Variants in SLC15A2 observed in about 807,000 individuals in gnomAD.
The protein encoded by SLC15A2 is kidney H(+)/peptide cotransporter.
In SLC15A2, 77 loss-of-function variants were observed where a neutral mutation model predicts 95.5. The ratio of observed to expected loss-of-function variants is 0.81; its 90% CI spans 0.67 to 0.97. The LOEUF is 0.97. Ranked by LOEUF, SLC15A2 falls within the 50% of genes least tolerant of loss-of-function variation. The pLI is 0.00. For synonymous variants in SLC15A2, 306 were observed against 306.9 expected, an observed-to-expected ratio of 1.00 and a Z score of 0.03; for missense variants, 893 against 874.4, an observed-to-expected ratio of 1.02 and a Z score of -0.27.
chr3:121,925,781 TAA>T (rs200367167), intron 13 of SLC15A2, among the ~76,000 whole-genome samples: 4,107 of 39,160 alleles, frequency 0.1, 723 homozygotes, highest in East Asian at 0.14. Context: ...TATATATATA[TAA>T]AATACAACTA....
At chr3:121,903,611 C>T (rs554535274) in intron 3 of SLC15A2, among the ~76,000 whole-genome samples, 1 of 152,140 alleles carries the variant, frequency 6.6e-6, no homozygotes, top group Non-Finnish European at 1.5e-5. Context: ...ATAGGGAATC[C>T]TTTCCCCATT....
At chr3:121,935,017 A>T (rs1710310319) in intron 19 of SLC15A2, among the ~76,000 whole-genome samples, 1 of 152,162 alleles carries the variant, frequency 6.6e-6, no homozygotes, top group Non-Finnish European at 1.5e-5. Flanking sequence ...ATCTATTGAG[A>T]TAATCATGTG....
intron 13 of SLC15A2, among the ~76,000 whole-genome samples, chr3:121,927,342 G>T (rs1710141360): frequency 6.6e-6 from 1 of 152,230 alleles, no homozygotes; most frequent in African/African-American, 2.4e-5. Context: ...GACATGACTG[G>T]ATCATGGGAG....
intron 1 of SLC15A2, among the ~76,000 whole-genome samples, chr3:121,895,624 C>T (rs1709401317): frequency 6.6e-6 from 1 of 152,108 alleles, no homozygotes; most frequent in Non-Finnish European, 1.5e-5. Flanking sequence ...GTACTGAGGA[C>T]AGATACCTCT....
At chr3:121,894,952 C>T (rs1483668375) in intron 1 of SLC15A2, among the ~76,000 whole-genome samples, 1 of 152,224 alleles carries the variant, frequency 6.6e-6, no homozygotes, top group African/African-American at 2.4e-5. Flanking sequence ...TTAGTTCTCC[C>T]TGTGTGCAGA....
At chr3:121,917,842 G>A (rs1476801552) in intron 7 of SLC15A2, among the ~76,000 whole-genome samples, 1 of 152,138 alleles carries the variant, frequency 6.6e-6, no homozygotes, top group Non-Finnish European at 1.5e-5. Flanking sequence ...AGAGGACACA[G>A]TAGCTGTAAG....
At position 121,928,542 on chromosome 3, in the gene SLC15A2, T is replaced by C; in HGVS notation, c.1328T>C (p.Ile443Thr). ...NENNSLLIESIKSFQKTPHYS... is the reference protein window; with the variant it reads ...NENNSLLIESTKSFQKTPHYS... ...AACAATTCTCTGTTGATAGAGTCCA[T>C]CAAATCCTTTCAGGTGAGGTGTGTA... is the stretch of plus-strand genomic sequence containing the variant. The change falls in exon 15 of 22, where the codon ATC (isoleucine) becomes ACC (threonine). Residue 443 changes from isoleucine (I) to threonine (T), a missense_variant. By Grantham distance (89) the Ile-to-Thr change is moderately conservative. Transcript: ENST00000489711. 6.2e-7 allele frequency: 1 copy of C among 1,614,096 alleles called. No homozygotes were observed. Among genetic ancestry groups the C allele is most frequent in the South Asian group, 1.1e-5 (1 of 91,076 alleles).
intron 19 of SLC15A2, among the ~76,000 whole-genome samples, chr3:121,938,968 G>A (rs1259758184): frequency 6.6e-6 from 1 of 152,178 alleles, no homozygotes; most frequent in Non-Finnish European, 1.5e-5. Flanking sequence ...TCTGCTCAAA[G>A]AATAAACACA....
At chr3:121,903,844 C>G (rs576525510) in intron 3 of SLC15A2, among the ~76,000 whole-genome samples, 8 of 151,896 alleles carry the variant, frequency 5.3e-5, no homozygotes, top group Non-Finnish European at 4.4e-5. Context: ...GCTATTTTTG[C>G]GTCCATATGA....
At chr3:121,939,620 T>C in intron 20 of SLC15A2, 125 bp downstream of exon 20, 2 of 679,500 alleles carry the variant, frequency 2.9e-6, no homozygotes, top group Non-Finnish European at 4.6e-6. Flanking sequence ...TTTATGACCC[T>C]GAACATATAT....
chr3:121,901,394 A>G (rs1469309651), intron 3 of SLC15A2, among the ~76,000 whole-genome samples: 1 of 152,182 alleles, frequency 6.6e-6, no homozygotes, highest in Non-Finnish European at 1.5e-5. Context: ...GAATTCATAA[A>G]TTTATTCACC....
In SLC15A2 at chr3:121,942,234, G is replaced by C. The variant is rs1439738241; in HGVS notation, c.*1227G>C. On this transcript the variant is annotated 3_prime_UTR_variant, in exon 22 of 22. Transcript: ENST00000489711. ...GGTAGAGCATGAGGGTTTTGTTTGT[G>C]TATGTGTATGGTCATGAAAAAAAAT... The C allele has an allele frequency of 6.6e-6, 1 of 152,130 alleles. No homozygotes were observed. Among genetic ancestry groups the C allele is most frequent in the Non-Finnish European group, 1.5e-5 (1 of 68,028 alleles). The allele number at this position is 152,130 out of a possible 1,614,324, so 9.4% of individuals were successfully genotyped here.
rs562100654 is a variant in SLC15A2 at position 121,922,344 on chromosome 3, A to G, written c.780+42A>G. The G allele has an allele frequency of 6.0e-6, 9 of 1,510,932 alleles. No individual in the cohort carries two copies. In the Admixed American group the frequency reaches 8.4e-5, roughly 14 times the overall value. The allele number at this position is 1,510,932 out of a possible 1,614,324, so 93.6% of individuals were successfully genotyped here. A position where few individuals can be genotyped will look rare whatever the true frequency, so the allele number is the denominator to read the frequency against. ...TTTTCTTGCCTTTTTCAATCAAAAGAAAGAGATGCTATGCTGAGAATATGG... is the reference window on the plus strand; with the variant it reads ...TTTTCTTGCCTTTTTCAATCAAAAGGAAGAGATGCTATGCTGAGAATATGG... On this transcript the variant is annotated intron_variant, in intron 8 of 21. Transcript: ENST00000489711.
rs1301035354 is a variant in SLC15A2, at chr3:121,910,432, T to C, written c.336-1142T>C. Among the ~76,000 whole-genome samples, 4 of 152,216 alleles carry C rather than the reference T, an allele frequency of 2.6e-5. No homozygotes were observed. The East Asian group carries it at 5.8e-4, about 22-fold the overall frequency. On this transcript the variant is annotated intron_variant, in intron 3 of 21. Transcript: ENST00000489711. The stretch of plus-strand genomic sequence containing the variant: ...GGATGGTCTCGATCTCCTGACCTCG[T>C]GATCCACCCACCTTGGCCCCCCAAA...
intron 19 of SLC15A2, among the ~76,000 whole-genome samples, chr3:121,935,214 T>G (rs28789687): frequency 6.6e-6 from 1 of 152,206 alleles, no homozygotes; most frequent in African/African-American, 2.4e-5. Flanking sequence ...AGGATATTGG[T>G]CTAAAATTCT....
intron 19 of SLC15A2, among the ~76,000 whole-genome samples, chr3:121,937,881 C>G (rs1291420058): frequency 2.6e-5 from 4 of 151,366 alleles, no homozygotes; most frequent in African/African-American, 9.7e-5. Context: ...CTGTTTTTTC[C>G]CCATCTTTGT....
Position 121,913,089 on chromosome 3 carries a change from C to G in SLC15A2, c.497C>G (p.Ala166Gly). ...GTGGIKPCVA[A>G]FGGDQFEEKH... is the part of the protein sequence containing the mutation. ...GGAGGCATCAAACCCTGTGTGGCAG[C>G]TTTTGGTGGAGACCAGTTTGAAGAA... Residue 166 changes from alanine to glycine, a missense_variant, in exon 5 of 22, where the codon GCT (alanine) becomes GGT (glycine). Coordinates refer to ENST00000489711, the MANE Select transcript of SLC15A2 (RefSeq NM_021082.4). The G allele has an allele frequency of 1.2e-6, 2 of 1,613,888 alleles. No homozygotes were observed. The highest frequency in any genetic ancestry group is 1.7e-6 in the Non-Finnish European group (2 of 1,179,842).
intron 12 of SLC15A2, 106 bp downstream of exon 12, chr3:121,924,489 C>T (rs939566951): frequency 3.8e-6 from 4 of 1,054,812 alleles, no homozygotes; most frequent in South Asian, 1.3e-5. Flanking sequence ...TCTCCTTGTA[C>T]GCTGATAAGG....
intron 5 of SLC15A2, chr3:121,914,918 C>G: frequency 1.2e-6 from 1 of 820,752 alleles, no homozygotes; most frequent in Admixed American, 4.1e-5. Flanking sequence ...ACATTTAATG[C>G]AAAGACATTA....
Sources: allele counts gnomAD v4.1 joint callset (sites outside exome capture counted in the v4.1 genomes callset), GRCh38; gene constraint gnomAD v4.1.1; transcripts MANE v1.5; gene names NCBI Gene and HGNC (gene_info 2026-07-23, HGNC 2026-07-21).